IRGM: variants seen among roughly 807,000 people sequenced by gnomAD.
IRGM encodes immunity-related GTPase family M protein.
For missense variants in IRGM, 288 were observed against 219.9 expected, an observed-to-expected ratio of 1.31 and a Z score of -1.96; for synonymous variants, 98 against 80.6, an observed-to-expected ratio of 1.22 and a Z score of -1.16.
intron 3 of IRGM, chr5:150,898,558 T>A: frequency 2.5e-6 from 4 of 1,591,442 alleles, no homozygotes; most frequent in Non-Finnish European, 3.4e-6. Flanking sequence ...CTAACCCCTG[T>A]AATAGTAAAT....
At chr5:150,868,796 T>G (rs1754241274) in intron 1 of IRGM, among the ~76,000 whole-genome samples, 1 of 152,194 alleles carries the variant, frequency 6.6e-6, no homozygotes, top group Admixed American at 6.5e-5. Flanking sequence ...TCACTGTTGG[T>G]GTGTAGCTGT....
intron 3 of IRGM, among the ~76,000 whole-genome samples, chr5:150,900,032 CAGTT>C (rs748931089): frequency 6.6e-5 from 10 of 152,132 alleles, no homozygotes; most frequent in South Asian, 2.1e-4. Context: ...AGCTGCCAAA[CAGTT>C]AGTTGTCCAT....
chr5:150,886,104 T>C (rs1484810303), intron 3 of IRGM, among the ~76,000 whole-genome samples: 1 of 152,048 alleles, frequency 6.6e-6, no homozygotes, highest in East Asian at 1.9e-4. Context: ...GGAGAGCTTT[T>C]AAGATGAAAG....
intron 1 of IRGM, among the ~76,000 whole-genome samples, chr5:150,866,045 C>G (rs1038805936): frequency 6.6e-6 from 1 of 152,238 alleles, no homozygotes; most frequent in Non-Finnish European, 1.5e-5. Flanking sequence ...GCGTTTGCCA[C>G]TGCGCTCAGC....
intron 3 of IRGM, chr5:150,897,774 A>G (rs746384901): frequency 2.8e-5 from 11 of 386,842 alleles, no homozygotes; most frequent in Non-Finnish European, 5.0e-5. Flanking sequence ...ACAGTCATTT[A>G]TCTGGGAATA....
In IRGM at chr5:150,848,593, T is replaced by G. The variant is rs1222550972; in HGVS notation, c.470T>G (p.Leu157Arg). ...KLDMDLSTGA[L>R]PEVQLLQIRE... ...GACATGGACCTCAGCACAGGTGCCC[T>G]CCCAGAAGTGCAGCTACTGCAGATC... The change falls in exon 2 of 2, where the codon CTC becomes CGC. Residue 157 changes from leucine to arginine, a missense_variant. Physicochemically the swap from Leu to Arg is moderately radical, Grantham distance 102. Transcript: ENST00000522154. 6.4e-7 allele frequency: 1 copy of G among 1,551,310 alleles called. No homozygotes were observed. The highest frequency in any genetic ancestry group is 8.7e-7 in the Non-Finnish European group (1 of 1,146,672).
At chr5:150,869,683 A>G (rs977287331) in intron 1 of IRGM, among the ~76,000 whole-genome samples, 4 of 151,930 alleles carry the variant, frequency 2.6e-5, no homozygotes, top group Non-Finnish European at 4.4e-5. Flanking sequence ...CAGGGTTTCT[A>G]TTTCTTCCTG....
chr5:150,853,013 C>G (rs537390605), downstream of IRGM, among the ~76,000 whole-genome samples: 1 of 152,080 alleles, frequency 6.6e-6, no homozygotes, highest in African/African-American at 2.4e-5. Flanking sequence ...CATTATTCTT[C>G]TAGTGCCTTA....
rs10036565 is a variant in IRGM, at chr5:150,878,088, C to T, written c.*52C>T. ...AAGAAATACAGATCAGCTCCGCAAG[C>T]CCTAGAAATAGCAAGGCCCAGCTCA... On this transcript the variant is annotated 3_prime_UTR_variant and NMD_transcript_variant, in exon 2 of 4. Coordinates refer to the IRGM transcript ENST00000520549. 9.0e-3 allele frequency: 4,132 copies of T among 460,632 alleles called. 147 individuals carry two copies. Among genetic ancestry groups the T allele is most frequent in the African/African-American group, 0.075 (3,736 of 49,728 alleles). The allele number at this position is 460,632 out of a possible 1,614,324, so 28.5% of individuals were successfully genotyped here. A position where few individuals can be genotyped will look rare whatever the true frequency, so the allele number is the denominator to read the frequency against.
chr5:150,895,628 C>T (rs140923053), intron 3 of IRGM: 38 of 1,612,900 alleles, frequency 2.4e-5, no homozygotes, highest in African/African-American at 1.6e-4. Flanking sequence ...GCTGGTGTCC[C>T]GGAAGGTGGG....
At chr5:150,856,015 T>C (rs1332079693) in intron 1 of IRGM, among the ~76,000 whole-genome samples, 1 of 152,150 alleles carries the variant, frequency 6.6e-6, no homozygotes, top group East Asian at 1.9e-4. Context: ...TTTAAAATTA[T>C]AACAATAAAT....
intron 3 of IRGM, among the ~76,000 whole-genome samples, chr5:150,898,789 C>G (rs1337736321): frequency 2.0e-5 from 3 of 151,918 alleles, no homozygotes; most frequent in Non-Finnish European, 4.4e-5. Context: ...ATCCAAATAA[C>G]TGGGAGGAAG....
At chr5:150,869,750 C>T (rs1293307448) in intron 1 of IRGM, among the ~76,000 whole-genome samples, 1 of 152,094 alleles carries the variant, frequency 6.6e-6, no homozygotes, top group African/African-American at 2.4e-5. Flanking sequence ...TTACTCAGCT[C>T]ATGAGGCACC....
chr5:150,890,208 T>C lies in IRGM; in HGVS notation c.*141-10381T>C, dbSNP rs564094859. Among the ~76,000 whole-genome samples the C allele has an allele frequency of 7.9e-5, 12 of 152,154 alleles. No individual in the cohort carries two copies. In the South Asian group the frequency reaches 2.3e-3, roughly 29 times the overall value. Reference sequence around the variant, plus strand: ...TTTTAAAAATTGATATAGGACTATTTATGTTAATATCTATTTCTTCTCGAG... The same window carrying C: ...TTTTAAAAATTGATATAGGACTATTCATGTTAATATCTATTTCTTCTCGAG... On this transcript the variant is annotated intron_variant and NMD_transcript_variant, in intron 3 of 3. Coordinates refer to the IRGM transcript ENST00000520549.
intron 3 of IRGM, among the ~76,000 whole-genome samples, chr5:150,891,144 T>C (rs547546168): frequency 1.5e-4 from 23 of 152,260 alleles, no homozygotes; most frequent in East Asian, 9.6e-4. Flanking sequence ...TTTAGGATTA[T>C]GTTCTCATGA....
At chr5:150,897,027 G>A in intron 3 of IRGM, 2 of 1,391,062 alleles carry the variant, frequency 1.4e-6, no homozygotes, top group Non-Finnish European at 9.7e-7. Context: ...AATTAAGAGG[G>A]TAAAGAAGTA....
At chr5:150,898,340 A>ATATG in intron 3 of IRGM, 1 of 1,607,108 alleles carries the variant, frequency 6.2e-7, no homozygotes, top group Non-Finnish European at 8.5e-7. Flanking sequence ...AAGTCATGAC[A>ATATG]TATGTCAGGA....
At chr5:150,879,689 C>T (rs1309874452) in intron 3 of IRGM, 1 of 152,168 alleles carries the variant, frequency 6.6e-6, no homozygotes, top group Non-Finnish European at 1.5e-5. Flanking sequence ...ACACAATGAA[C>T]ACTAAGGATA....
chr5:150,892,227 T>G lies in IRGM; in HGVS notation c.*141-8362T>G, dbSNP rs72807807. On this transcript the variant is annotated intron_variant and NMD_transcript_variant, in intron 3 of 3. Transcript: ENST00000520549. ...TTATGGAGTTTTTTTTTTTCAATATTGAAGTTTGGCTAAATAATAGGAGCA... is the reference window on the plus strand; with the variant it reads ...TTATGGAGTTTTTTTTTTTCAATATGGAAGTTTGGCTAAATAATAGGAGCA... 2.9e-3 allele frequency among the ~76,000 whole-genome samples: 448 copies of G among 151,986 alleles called. 1 individual carries two copies. Among genetic ancestry groups the G allele is most frequent in the Admixed American group, 4.9e-3 (75 of 15,254 alleles).
Sources: gnomAD v4.1 joint callset for allele counts (sites outside exome capture counted in the v4.1 genomes callset) on GRCh38, gnomAD v4.1.1 for gene constraint, MANE v1.5 for transcripts, NCBI Gene and HGNC (gene_info 2026-07-23, HGNC 2026-07-21) for gene names.